The following CSMD1 variants were observed in gnomAD, a reference collection of about 807,000 sequenced individuals.
CSMD1 encodes CUB and sushi domain-containing protein 1.
CSMD1 carries 213 observed loss-of-function variants against 417.5 expected under a neutral mutation model. The observed-to-expected ratio is 0.51, with a 90% confidence interval of 0.46 to 0.57. The LOEUF is 0.57. Ranked by LOEUF, CSMD1 falls within the 20% of genes least tolerant of loss-of-function variation. CSMD1 has a pLI of 0.00. For synonymous variants in CSMD1, 2,862 were observed against 1,736.8 expected, an observed-to-expected ratio of 1.65 and a Z score of -16.11; for missense variants, 6,923 against 4,529.7, an observed-to-expected ratio of 1.53 and a Z score of -15.17.
chr8:2,967,099 A>G (rs1804036335), intron 57 of CSMD1, among the ~76,000 whole-genome samples: 2 of 152,218 alleles, frequency 1.3e-5, no homozygotes, highest in Non-Finnish European at 2.9e-5. Context: ...ATGCCGTGAC[A>G]GAATTGTTGT....
intron 5 of CSMD1, among the ~76,000 whole-genome samples, chr8:3,902,564 G>T (rs1487189218): frequency 6.6e-6 from 1 of 152,026 alleles, no homozygotes; most frequent in Admixed American, 6.5e-5. Flanking sequence ...TCCATTGCAT[G>T]CTCAGTTCAC....
intron 3 of CSMD1, among the ~76,000 whole-genome samples, chr8:4,362,040 G>T (rs12677798): frequency 1.9e-4 from 29 of 151,876 alleles, no homozygotes; most frequent in African/African-American, 6.3e-4. Context: ...ATTAGAGGTA[G>T]GATACATAAG....
intron 67 of CSMD1, 113 bp from the exon 68 acceptor site, chr8:2,949,499 C>G: frequency 2.0e-6 from 1 of 494,708 alleles, no homozygotes; most frequent in Non-Finnish European, 3.4e-6. Flanking sequence ...TTAGATACTA[C>G]TGGTTAAATG....
At chr8:4,642,312 G>C (rs376666262) in intron 1 of CSMD1, among the ~76,000 whole-genome samples, 105 of 152,264 alleles carry the variant, frequency 6.9e-4, no homozygotes, top group African/African-American at 2.2e-3. Flanking sequence ...GCCTGTCTCA[G>C]AAACACCCAG....
chr8:3,281,640 A>C (rs11136596), intron 26 of CSMD1, among the ~76,000 whole-genome samples: 114,187 of 151,952 alleles, frequency 0.75, 43,295 homozygotes, highest in Admixed American at 0.84. Context: ...AAAACTATGG[A>C]GACAGTGAAA....
At chr8:4,656,320 C>T (rs754147766) in intron 1 of CSMD1, among the ~76,000 whole-genome samples, 39 of 151,976 alleles carry the variant, frequency 2.6e-4, no homozygotes, top group Non-Finnish European at 5.4e-4. Context: ...TGAGAGGCAA[C>T]CTTCAGGGTA....
chr8:4,676,055 G>A (rs1461499238), intron 1 of CSMD1, among the ~76,000 whole-genome samples: 1 of 152,148 alleles, frequency 6.6e-6, no homozygotes, highest in Non-Finnish European at 1.5e-5. Flanking sequence ...CCTTTCAACA[G>A]TCCTAGAAAG....
intron 8 of CSMD1, among the ~76,000 whole-genome samples, chr8:3,607,484 C>G (rs915112539): frequency 3.9e-5 from 6 of 152,196 alleles, no homozygotes; most frequent in Non-Finnish European, 5.9e-5. Context: ...CAAGTATGTG[C>G]TAGCCTTTTC....
intron 3 of CSMD1, among the ~76,000 whole-genome samples, chr8:4,392,497 G>C (rs893929762): frequency 1.4e-4 from 22 of 152,090 alleles, no homozygotes; most frequent in Non-Finnish European, 2.9e-5. Context: ...CCAAAGAAAA[G>C]GTAAAGAATC....
chr8:4,145,908 G>A (rs974317899), intron 3 of CSMD1, among the ~76,000 whole-genome samples: 1 of 150,930 alleles, frequency 6.6e-6, no homozygotes, highest in Non-Finnish European at 1.5e-5. Context: ...CTCATCCCTT[G>A]GCACATGATT....
intron 1 of CSMD1, among the ~76,000 whole-genome samples, chr8:4,908,097 T>C (rs180962765): frequency 2.8e-4 from 42 of 152,334 alleles, no homozygotes; most frequent in Non-Finnish European, 4.4e-4. Flanking sequence ...AAGTCGTCTA[T>C]GTCCTTCACT....
intron 3 of CSMD1, among the ~76,000 whole-genome samples, chr8:4,113,940 A>G (rs375159319): frequency 6.6e-6 from 1 of 152,262 alleles, no homozygotes; most frequent in African/African-American, 2.4e-5. Context: ...AAGATTTAAG[A>G]AAAGAAGCCA....
At chr8:4,709,424 C>A (rs1456691639) in intron 1 of CSMD1, among the ~76,000 whole-genome samples, 3 of 152,134 alleles carry the variant, frequency 2.0e-5, no homozygotes, top group Non-Finnish European at 2.9e-5. Flanking sequence ...TTACTTGGGG[C>A]TGCCCTGGCC....
intron 12 of CSMD1, among the ~76,000 whole-genome samples, chr8:3,438,131 A>G (rs10105682): frequency 0.63 from 95,505 of 152,068 alleles, 30,150 homozygotes; most frequent in East Asian, 0.76. Flanking sequence ...TCCATCTGTG[A>G]TTTGGTAAAT....
chr8:3,194,996 G>C (rs143267962), intron 33 of CSMD1, among the ~76,000 whole-genome samples: 328 of 152,230 alleles, frequency 2.2e-3, no homozygotes, highest in African/African-American at 7.8e-3. Flanking sequence ...GTTCAATATA[G>C]AAATATGGTT....
At chr8:4,205,126 T>C (rs563075450) in intron 3 of CSMD1, among the ~76,000 whole-genome samples, 1 of 152,246 alleles carries the variant, frequency 6.6e-6, no homozygotes, top group African/African-American at 2.4e-5. Context: ...TAAACACATT[T>C]ATCTCAACTC....
intron 3 of CSMD1, among the ~76,000 whole-genome samples, chr8:4,075,106 A>T (rs995773021): frequency 1.3e-5 from 2 of 152,178 alleles, no homozygotes; most frequent in African/African-American, 4.8e-5. Flanking sequence ...CAAAGAACAA[A>T]GTTGAATACA....
chr8:4,698,431 T>C (rs1032142711), intron 1 of CSMD1, among the ~76,000 whole-genome samples: 1 of 152,128 alleles, frequency 6.6e-6, no homozygotes, highest in East Asian at 1.9e-4. Flanking sequence ...TAAAACAGGC[T>C]TGGTGTGATT....
intron 1 of CSMD1, among the ~76,000 whole-genome samples, chr8:4,895,182 G>T (rs757181605): frequency 5.3e-5 from 8 of 152,080 alleles, no homozygotes; most frequent in Non-Finnish European, 8.8e-5. Flanking sequence ...TTTGTAGAAG[G>T]TTCAATAATA....
Sources: gnomAD v4.1 joint callset for allele counts (sites outside exome capture counted in the v4.1 genomes callset) on GRCh38, gnomAD v4.1.1 for gene constraint, MANE v1.5 for transcripts, NCBI Gene and HGNC (gene_info 2026-07-23, HGNC 2026-07-21) for gene names.